Variants in PRKN observed in about 807,000 individuals in gnomAD.
PRKN encodes parkin RBR E3 ubiquitin protein ligase, also known as E3 ubiquitin-protein ligase parkin.
A neutral mutation model predicts 59.5 loss-of-function variants in PRKN; 56 were observed. The observed-to-expected ratio is 0.94, with a 90% confidence interval of 0.76 to 1.18. The LOEUF (loss-of-function observed/expected upper bound fraction) is 1.18. PRKN is among the 50% of genes most tolerant of loss of function. The pLI, the probability that PRKN is intolerant of heterozygous loss-of-function variation, is 0.00. For synonymous variants in PRKN, 250 were observed against 222.1 expected (o/e 1.13, Z -1.12); for missense variants, 657 against 596.4 (o/e 1.10, Z -1.06).
intron 1 of PRKN, among the ~76,000 whole-genome samples, chr6:162,601,172 G>A (rs1425524527): frequency 2.0e-5 from 3 of 152,036 alleles, no homozygotes; most frequent in Admixed American, 6.6e-5. Context: ...AAGCATGCGC[G>A]TCAGCTTGGG....
intron 1 of PRKN, among the ~76,000 whole-genome samples, chr6:162,625,280 C>A (rs1450684082): frequency 1.3e-5 from 2 of 152,136 alleles, no homozygotes; most frequent in Admixed American, 1.3e-4. Context: ...CTCAGACAAT[C>A]CTCACTGATA....
chr6:161,727,070 G>A (rs1420469430), intron 7 of PRKN, among the ~76,000 whole-genome samples: 5 of 152,186 alleles, frequency 3.3e-5, no homozygotes, highest in African/African-American at 1.2e-4. Flanking sequence ...CAAGGATCTT[G>A]TCATGGATCC....
intron 4 of PRKN, among the ~76,000 whole-genome samples, chr6:162,073,301 C>T (rs1352662791): frequency 2.0e-5 from 3 of 152,210 alleles, no homozygotes; most frequent in South Asian, 2.1e-4. Context: ...TGCTGTTGGC[C>T]TCAGCGTTAA....
chr6:161,687,994 C>T (rs979038713), intron 7 of PRKN, among the ~76,000 whole-genome samples: 2 of 152,176 alleles, frequency 1.3e-5, no homozygotes, highest in Non-Finnish European at 2.9e-5. Context: ...TTCCATATCT[C>T]CAATCCACAC....
chr6:162,259,200 A>C (rs1468883022), intron 3 of PRKN, among the ~76,000 whole-genome samples: 2 of 152,234 alleles, frequency 1.3e-5, no homozygotes, highest in Non-Finnish European at 2.9e-5. Context: ...TGAAGTACGT[A>C]AAGAGGAATG....
rs978648991 is a variant in PRKN at position 161,447,559 on chromosome 6, T to C, written c.1084-60682A>G. 6.6e-6 allele frequency among the ~76,000 whole-genome samples: 1 copy of C among 152,102 alleles called. No homozygotes were observed. The highest frequency in any genetic ancestry group is 6.5e-5 in the Admixed American group (1 of 15,272). The stretch of plus-strand genomic sequence containing the variant: ...CCCAGGCTGGAGTGCAGTGGAGTGA[T>C]CTCAGCTCACTGCAACCTCCGCCTC... On this transcript the variant is annotated intron_variant, in intron 9 of 11. Transcript: ENST00000366898. This position sits in a 1 kb window ranked among gnomAD's most constrained non-coding sequence, Gnocchi z 4.1.
chr6:162,345,154 C>A (rs1276311768), intron 2 of PRKN, among the ~76,000 whole-genome samples: 1 of 152,200 alleles, frequency 6.6e-6, no homozygotes. Context: ...ACTCCGAATA[C>A]AACACAATTG....
intron 9 of PRKN, among the ~76,000 whole-genome samples, chr6:161,437,360 G>A (rs1185108850): frequency 2.0e-5 from 3 of 152,208 alleles, no homozygotes; most frequent in African/African-American, 7.2e-5. Context: ...ATCCAGGTGG[G>A]AGGGTGTGAG....
intron 7 of PRKN, among the ~76,000 whole-genome samples, chr6:161,727,296 G>C (rs572721848): frequency 2.0e-4 from 30 of 152,168 alleles, no homozygotes; most frequent in Admixed American, 3.3e-4. Flanking sequence ...CCTGAGGACT[G>C]TTTCTCTGCA....
chr6:161,674,013 CT>C (rs1785000877), intron 7 of PRKN, among the ~76,000 whole-genome samples: 1 of 152,054 alleles, frequency 6.6e-6, no homozygotes, highest in Non-Finnish European at 1.5e-5. Context: ...GGAGCTAAAG[CT>C]ATACATTTTG....
At position 162,596,781 on chromosome 6, in the gene PRKN, CA is replaced by C. The variant is rs367722008; in HGVS notation, c.7+130880del. Among the ~76,000 whole-genome samples, 585 of 152,220 alleles carry C rather than the reference CA, an allele frequency of 3.8e-3. 4 individuals carry two copies. The highest frequency in any genetic ancestry group is 0.014 in the African/African-American group (563 of 41,544). On this transcript the variant is annotated intron_variant, in intron 1 of 11. Transcript: ENST00000366898. ...GAGAGGCATGGTTTTAAAATTAGGA[CA>C]GCAGAGAAAGCTTAGATTCTCCTGG...
At chr6:162,218,416 C>T (rs1777794345) in intron 3 of PRKN, among the ~76,000 whole-genome samples, 1 of 152,092 alleles carries the variant, frequency 6.6e-6, no homozygotes, top group African/African-American at 2.4e-5. Context: ...GAGGGCAGAA[C>T]CCTGAGGTGT....
chr6:161,930,804 G>C (rs914024355), intron 6 of PRKN, among the ~76,000 whole-genome samples: 28 of 152,174 alleles, frequency 1.8e-4, no homozygotes, highest in African/African-American at 6.3e-4. Context: ...AAGGTAGAAG[G>C]GGAAGGCAGG....
chr6:161,611,056 G>A (rs539040684), intron 7 of PRKN, among the ~76,000 whole-genome samples: 4 of 152,272 alleles, frequency 2.6e-5, no homozygotes, highest in Admixed American at 6.5e-5. Context: ...TTGTTCTCAC[G>A]TCTAAAGCCA....
At chr6:162,414,890 C>T (rs1178793875) in intron 2 of PRKN, among the ~76,000 whole-genome samples, 1 of 152,006 alleles carries the variant, frequency 6.6e-6, no homozygotes, top group Non-Finnish European at 1.5e-5. Context: ...GATTTTCTAT[C>T]ACTGGAGGCA....
chr6:162,608,747 G>C (rs1782020208), intron 1 of PRKN, among the ~76,000 whole-genome samples: 1 of 152,180 alleles, frequency 6.6e-6, no homozygotes, highest in African/African-American at 2.4e-5. Flanking sequence ...AAGAATAAGA[G>C]AGGAAGTTAA....
intron 2 of PRKN, among the ~76,000 whole-genome samples, chr6:162,346,860 G>GAT (rs1784424268): frequency 6.6e-6 from 1 of 151,802 alleles, no homozygotes. Flanking sequence ...AGGGTTGTGA[G>GAT]ATATATATCT....
intron 7 of PRKN, among the ~76,000 whole-genome samples, chr6:161,690,364 T>TC (rs1167702224): frequency 6.6e-6 from 1 of 152,204 alleles, no homozygotes; most frequent in Non-Finnish European, 1.5e-5. Flanking sequence ...ATTGGAACTT[T>TC]CCTCTAATGT....
At chr6:162,413,761 A>G (rs1336336639) in intron 2 of PRKN, among the ~76,000 whole-genome samples, 1 of 152,220 alleles carries the variant, frequency 6.6e-6, no homozygotes, top group African/African-American at 2.4e-5. Context: ...GACCATAGAC[A>G]TCACCTATTT....
Sources: gnomAD v4.1 joint callset for allele counts (sites outside exome capture counted in the v4.1 genomes callset) on GRCh38, gnomAD v4.1.1 for gene constraint, Gnocchi (gnomAD v3.1) non-coding constraint, MANE v1.5 for transcripts, NCBI Gene and HGNC (gene_info 2026-07-23, HGNC 2026-07-21) for gene names.